Variants in TP53BP1 observed in about 807,000 individuals in gnomAD.
TP53BP1 encodes the protein TP53-binding protein 1.
A neutral mutation model predicts 200.8 loss-of-function variants in TP53BP1; 61 were observed. That is an observed-to-expected ratio of 0.30 (90% CI 0.25 to 0.38). TP53BP1 has a LOEUF of 0.38. TP53BP1 is among the 10% of genes least tolerant of loss of function. The pLI, the probability that TP53BP1 is intolerant of heterozygous loss-of-function variation, is 1.00. For synonymous variants in TP53BP1, 822 were observed against 844.3 expected, an observed-to-expected ratio of 0.97 and a Z score of 0.46; for missense variants, 2,144 against 2,371.9, an observed-to-expected ratio of 0.90 and a Z score of 2.00.
chr15:43,415,288 A>G (rs1053539325), intron 23 of TP53BP1: 5 of 400,474 alleles, frequency 1.2e-5, no homozygotes, highest in Admixed American at 3.6e-5. Flanking sequence ...GCTCACTGCA[A>G]CCTCCGCCTT....
At chr15:43,504,511 G>A (rs1275907904) in intron 1 of TP53BP1, among the ~76,000 whole-genome samples, 1 of 152,202 alleles carries the variant, frequency 6.6e-6, no homozygotes, top group Non-Finnish European at 1.5e-5. Flanking sequence ...AGTCAGTTCT[G>A]CAGAAGTAGT....
At chr15:43,471,567 C>T (rs1293218749) in intron 10 of TP53BP1, among the ~76,000 whole-genome samples, 1 of 152,016 alleles carries the variant, frequency 6.6e-6, no homozygotes, top group Non-Finnish European at 1.5e-5. Flanking sequence ...GCTGGGATTA[C>T]AGGCACCCGC....
chr15:43,479,549 G>A (rs772667624), intron 6 of TP53BP1, 23 bp from the exon 7 acceptor site: 3 of 1,594,874 alleles, frequency 1.9e-6, no homozygotes, highest in East Asian at 2.2e-5. Context: ...TAAAATGACA[G>A]GAAGGAGATA....
At chr15:43,420,914 A>G in intron 20 of TP53BP1, 111 bp downstream of exon 20, 1 of 1,394,114 alleles carries the variant, frequency 7.2e-7, no homozygotes. Context: ...CTCCCCAGTC[A>G]GTATGGCCCC....
In TP53BP1 at chr15:43,493,100, C is replaced by T. The variant is rs182165905; in HGVS notation, c.-57G>A. On this transcript the variant is annotated 5_prime_UTR_variant, in exon 1 of 28. Coordinates refer to ENST00000382044, the MANE Select transcript of TP53BP1 (RefSeq NM_001141980.3). ...AGGTCTCTGCACGCTCCCCAAGTCC[C>T]TCCAGATCGATCCCTAGGTCGCCGC... 304 of 1,608,064 alleles carry T rather than the reference C, an allele frequency of 1.9e-4. No individual in the cohort carries two copies. The African/African-American group carries it at 3.8e-3, about 20-fold the overall frequency.
intron 14 of TP53BP1, among the ~76,000 whole-genome samples, chr15:43,443,104 G>A (rs534201610): frequency 3.1e-4 from 47 of 151,890 alleles, no homozygotes; most frequent in Admixed American, 7.2e-4. Flanking sequence ...GGGATTACAG[G>A]CATGAGCCAC....
chr15:43,419,873 C>T (rs1339776991), intron 21 of TP53BP1, among the ~76,000 whole-genome samples: 1 of 152,100 alleles, frequency 6.6e-6, no homozygotes, highest in African/African-American at 2.4e-5. Flanking sequence ...TGACTAAATG[C>T]AATGTTGGAT....
chr15:43,443,702 A>G (rs2045980094), intron 14 of TP53BP1, among the ~76,000 whole-genome samples: 2 of 151,558 alleles, frequency 1.3e-5, no homozygotes, highest in South Asian at 2.1e-4. Flanking sequence ...CTCAACAACA[A>G]TAACAACAAA....
rs201058844 is a variant in TP53BP1 at position 43,456,055 on chromosome 15, A to G, written c.2553T>C (p.Leu851=). 6.2e-6 allele frequency: 10 copies of G among 1,614,070 alleles called. No homozygotes were observed. The highest frequency in any genetic ancestry group is 4.0e-5 in the African/African-American group (3 of 74,934). The change falls in exon 12 of 28, where the codon CTT becomes CTC. Residue 851 remains leucine, a synonymous_variant. Transcript: ENST00000382044. ...TTTGGGGCTGCTGCAACTCCTGGTC[A>G]AGTCTTAAAGGATCATCTGCTCTCA... ...PLVRADDPLR[L]DQELQQPQTQ...
chr15:43,456,812 C>G lies in TP53BP1; in HGVS notation c.1796G>C (p.Arg599Thr). Reference sequence around the variant, plus strand: ...AGTGGCTAAAATACTAATGTCATCCCTGGTGTCTGTATCATCTCCCTTTGT... The same window carrying G: ...AGTGGCTAAAATACTAATGTCATCCGTGGTGTCTGTATCATCTCCCTTTGT... ...DKTKGDDTDT[R>T]DDISILATGC... Residue 599 changes from arginine (R) to threonine (T), a missense_variant, in exon 12 of 28, where the codon AGG becomes ACG. Physicochemically the swap from Arg to Thr is moderately conservative, Grantham distance 71. Around this residue, in one of 4 missense-constraint regions of TP53BP1, gnomAD observed 1,700 missense variants for 1,710.3 expected, o/e 0.99. Coordinates refer to ENST00000382044, the MANE Select transcript of TP53BP1 (RefSeq NM_001141980.3). 1 of 1,613,952 alleles carries G rather than the reference C, an allele frequency of 6.2e-7. No homozygotes were observed. Among genetic ancestry groups the G allele is most frequent in the Non-Finnish European group, 8.5e-7 (1 of 1,180,044 alleles).
intron 18 of TP53BP1, among the ~76,000 whole-genome samples, chr15:43,423,935 T>G (rs1317518200): frequency 6.6e-6 from 1 of 152,208 alleles, no homozygotes. Flanking sequence ...CACTCTCACA[T>G]GCTTTCCCTG....
At chr15:43,432,798 G>A (rs367549205) in intron 16 of TP53BP1, 121 bp from the exon 17 acceptor site, 1 of 1,100,614 alleles carries the variant, frequency 9.1e-7, no homozygotes, top group Non-Finnish European at 1.3e-6. Flanking sequence ...GACAATTTGA[G>A]AAATGTAAGG....
intron 5 of TP53BP1, among the ~76,000 whole-genome samples, chr15:43,480,585 T>C (rs2078949908): frequency 6.6e-6 from 1 of 152,156 alleles, no homozygotes; most frequent in African/African-American, 2.4e-5. Context: ...CATCATAAAC[T>C]ACACCCACAG....
At chr15:43,433,202 G>T (rs887823550) in intron 16 of TP53BP1, among the ~76,000 whole-genome samples, 1 of 151,954 alleles carries the variant, frequency 6.6e-6, no homozygotes, top group African/African-American at 2.4e-5. Context: ...TAAAGCTGTA[G>T]GTAGATTCTA....
intron 14 of TP53BP1, among the ~76,000 whole-genome samples, chr15:43,442,233 C>A (rs2045941181): frequency 6.6e-6 from 1 of 151,560 alleles, no homozygotes; most frequent in East Asian, 2.0e-4. Flanking sequence ...CTACAGGTGC[C>A]CGCCACCACG....
At chr15:43,458,708 A>C (rs2046359008) in intron 11 of TP53BP1, among the ~76,000 whole-genome samples, 1 of 151,872 alleles carries the variant, frequency 6.6e-6, no homozygotes, top group Non-Finnish European at 1.5e-5. Context: ...GAGCCACAGG[A>C]GTTCAAGGCT....
intron 13 of TP53BP1, 153 bp from the exon 14 acceptor site, chr15:43,446,743 C>G: frequency 6.6e-7 from 1 of 1,507,148 alleles, no homozygotes; most frequent in Non-Finnish European, 8.9e-7. Context: ...TAAGTATCAA[C>G]AACTACGAAC....
intron 18 of TP53BP1, 34 bp downstream of exon 18, chr15:43,427,982 G>C: frequency 2.3e-6 from 3 of 1,288,652 alleles, no homozygotes; most frequent in Non-Finnish European, 3.1e-6. Flanking sequence ...AAGAAAGAAA[G>C]AAATTTGCCA....
At chr15:43,420,916 T>G in intron 20 of TP53BP1, 109 bp downstream of exon 20, 2 of 1,390,086 alleles carry the variant, frequency 1.4e-6, no homozygotes, top group Non-Finnish European at 2.0e-6. Flanking sequence ...CCCCAGTCAG[T>G]ATGGCCCCTC....
Sources: allele counts gnomAD v4.1 joint callset (sites outside exome capture counted in the v4.1 genomes callset), GRCh38; gene constraint gnomAD v4.1.1; regional missense constraint gnomAD v4.1.1; transcripts MANE v1.5; gene names NCBI Gene and HGNC (gene_info 2026-07-23, HGNC 2026-07-21).